The following SLC29A2 variants were observed in gnomAD, a reference collection of about 807,000 sequenced individuals.
SLC29A2 encodes equilibrative nucleoside transporter 2.
Under a neutral mutation model 48.8 loss-of-function variants are expected in SLC29A2, and 37 were observed. The ratio of observed to expected loss-of-function variants is 0.76; its 90% confidence interval spans 0.58 to 1.00. The LOEUF is 1.00. Among genes scored for constraint, SLC29A2 ranks in the 50% least tolerant of loss-of-function variants. The probability of loss-of-function intolerance (pLI) is 0.00; values close to 1 mark genes in which losing one functional copy is unlikely to be tolerated. For missense variants in SLC29A2, 533 were observed against 578.6 expected, an observed-to-expected ratio of 0.92 and a Z score of 0.81; for synonymous variants, 233 against 261.7, an observed-to-expected ratio of 0.89 and a Z score of 1.06.
Position 66,366,472 on chromosome 11 carries a change from G to A in SLC29A2, c.826C>T (p.Gln276Ter), listed in dbSNP as rs765545997. 8.7e-6 allele frequency: 14 copies of A among 1,614,064 alleles called. No individual in the cohort carries two copies. The highest frequency in any genetic ancestry group is 1.3e-5 in the African/African-American group (1 of 74,930). ...KEPESEPDEP[Q>*]KPGKPSVFTV... Reference sequence around the variant, plus strand: ...AAGACTGAAGGTTTTCCTGGCTTCTGGGGCTCATCTGGCTCTGATTCCGGC... The same window carrying A: ...AAGACTGAAGGTTTTCCTGGCTTCTAGGGCTCATCTGGCTCTGATTCCGGC... Residue 276 changes from glutamine (Q) to a stop codon, truncating the protein, a stop_gained, in exon 8 of 12, where the codon CAG (glutamine) becomes TAG (stop). Coordinates refer to ENST00000357440, the MANE Select transcript of SLC29A2 (RefSeq NM_001532.3). LOFTEE classifies it high-confidence loss of function.
Position 66,363,513 on chromosome 11 carries a change from C to T in SLC29A2, c.1294G>A (p.Ala432Thr), listed in dbSNP as rs774663200. 2.5e-5 allele frequency: 40 copies of T among 1,613,878 alleles called. No individual in the cohort carries two copies. The highest frequency in any genetic ancestry group is 4.0e-5 in the African/African-American group (3 of 74,930). The change falls in exon 12 of 12, where the codon GCC (alanine) becomes ACC (threonine). Residue 432 changes from alanine (A) to threonine (T), a missense_variant. By Grantham distance (58) the Ala-to-Thr change is moderately conservative. Coordinates refer to ENST00000357440, the MANE Select transcript of SLC29A2 (RefSeq NM_001532.3). ...AGGGCCAGGAAGAAGGTCATGAGGG[C>T]GCCGGCCACCTCCCTCTCGTGTGGC... ...VLPHEREVAG[A>T]LMTFFLALGL...
intron 2 of SLC29A2, 39 bp downstream of exon 2, chr11:66,371,205 G>C (rs1395574779): frequency 6.3e-7 from 1 of 1,577,238 alleles, no homozygotes; most frequent in Non-Finnish European, 8.7e-7. Context: ...AGGGGTGCTG[G>C]CTGTGGCCAC....
At chr11:66,369,235 CAGGCCAG>C in intron 3 of SLC29A2, 36 bp from the exon 4 acceptor site, 2 of 1,580,902 alleles carry the variant, frequency 1.3e-6, no homozygotes, top group Non-Finnish European at 1.7e-6. Flanking sequence ...CAGTGGGGCC[CAGGCCAG>C]AGGGGGCTGG....
chr11:66,369,443 G>T lies in SLC29A2; in HGVS notation c.201C>A (p.Phe67Leu), dbSNP rs1038106635. 6.2e-7 allele frequency: 1 copy of T among 1,613,992 alleles called. No homozygotes were observed. The highest frequency in any genetic ancestry group is 8.5e-7 in the Non-Finnish European group (1 of 1,179,998). Residue 67 changes from phenylalanine to leucine, a missense_variant, in exon 3 of 12, where the codon TTC becomes TTA. Transcript: ENST00000357440. ...NHTGPEDAFN[F>L]NNWVTLLSQL... Reference sequence around the variant, plus strand: ...GGGACAGCAGCGTCACCCAATTGTTGAAGTTGAAGGCATCCTCGGGACCCG... The same window carrying T: ...GGGACAGCAGCGTCACCCAATTGTTTAAGTTGAAGGCATCCTCGGGACCCG...
At chr11:66,364,112 G>T in intron 11 of SLC29A2, 113 bp downstream of exon 11, 1 of 907,284 alleles carries the variant, frequency 1.1e-6, no homozygotes, top group Non-Finnish European at 1.7e-6. Context: ...GACAGCTAGG[G>T]TTGGGCTGGC....
chr11:66,371,266 T>C lies in SLC29A2; in HGVS notation c.89A>G (p.Asn30Ser). 3 of 1,613,780 alleles carry C rather than the reference T, an allele frequency of 1.9e-6. No individual in the cohort carries two copies. The highest frequency in any genetic ancestry group is 2.5e-6 in the Non-Finnish European group (3 of 1,179,996). ...ILGLGTLLPW[N>S]FFITAIPYFQ... ...CACCGGGATGGCGGTGATGAAGAAG[T>C]TCCAGGGAAGGAGGGTGCCCAGCCC... The change falls in exon 2 of 12, where the codon AAC becomes AGC. Residue 30 changes from asparagine (N) to serine (S), a missense_variant. Physicochemically the swap from Asn to Ser is conservative, Grantham distance 46. Transcript: ENST00000357440.
intron 2 of SLC29A2, among the ~76,000 whole-genome samples, chr11:66,370,224 A>G (rs553937327): frequency 6.6e-6 from 1 of 152,226 alleles, no homozygotes; most frequent in Non-Finnish European, 1.5e-5. Context: ...CCCAATTTAC[A>G]AATCTCCTCT....
At position 66,364,271 on chromosome 11, in the gene SLC29A2, C is replaced by T. The variant is rs1339086340; in HGVS notation, c.1213G>A (p.Val405Ile). ...YFITFMLLFA[V>I]SNGYLVSLTM... ...AGGGACACCAGGTAGCCATTAGAAA[C>T]GGCAAAGAGCAGCATGAAGGTGATG... is the stretch of plus-strand genomic sequence containing the variant. The change falls in exon 11 of 12, where the codon GTT becomes ATT. Residue 405 changes from valine to isoleucine, a missense_variant. Transcript: ENST00000357440. 27 of 1,574,056 alleles carry T rather than the reference C, an allele frequency of 1.7e-5. No homozygotes were observed. The highest frequency in any genetic ancestry group is 2.2e-5 in the South Asian group (2 of 90,616).
Position 66,362,950 on chromosome 11 carries a change from G to C in SLC29A2, c.*486C>G, listed in dbSNP as rs1855463961. The C allele has an allele frequency of 4.4e-6, 1 of 228,214 alleles. No homozygotes were observed. Among genetic ancestry groups the C allele is most frequent in the Non-Finnish European group, 8.9e-6 (1 of 112,772 alleles). The allele number at this position is 228,214 out of a possible 1,614,324, so 14.1% of individuals were successfully genotyped here. ...AAAACACTGCTTGAGGCTGAGCCTG[G>C]CCCTTTGAGCACCCTCAGGTCCTCC... On this transcript the variant is annotated 3_prime_UTR_variant, in exon 12 of 12. Coordinates refer to ENST00000357440, the MANE Select transcript of SLC29A2 (RefSeq NM_001532.3).
At position 66,369,445 on chromosome 11, in the gene SLC29A2, A is replaced by G. The variant is rs766161515; in HGVS notation, c.199T>C (p.Phe67Leu). 1 of 1,614,072 alleles carries G rather than the reference A, an allele frequency of 6.2e-7. No homozygotes were observed. The highest frequency in any genetic ancestry group is 8.5e-7 in the Non-Finnish European group (1 of 1,179,982). Residue 67 changes from phenylalanine (F) to leucine (L), a missense_variant, in exon 3 of 12, where the codon TTC becomes CTC. Phe to Leu is a conservative substitution (Grantham distance 22). Coordinates refer to ENST00000357440, the MANE Select transcript of SLC29A2 (RefSeq NM_001532.3). ...GACAGCAGCGTCACCCAATTGTTGA[A>G]GTTGAAGGCATCCTCGGGACCCGTG... is the stretch of plus-strand genomic sequence containing the variant. Reference protein sequence around the residue: ...NHTGPEDAFNFNNWVTLLSQL... With the variant: ...NHTGPEDAFNLNNWVTLLSQL...
rs1855479757 is a variant in SLC29A2, at chr11:66,363,329, TCCACCCCGCAGAGGCCTGAG to T, written c.*87_*106del. ...GCTGGCAGCCTCAGGCCCAGGGGCC[TCCACCCCGCAGAGGCCTGAG>T]CCAAGCTCGCCATTCGCCCTGGGCT... On this transcript the variant is annotated 3_prime_UTR_variant, in exon 12 of 12. Coordinates refer to ENST00000357440, the MANE Select transcript of SLC29A2 (RefSeq NM_001532.3). The T allele has an allele frequency of 1.1e-6, 1 of 875,072 alleles. No individual in the cohort carries two copies. The highest frequency in any genetic ancestry group is 1.7e-5 in the African/African-American group (1 of 60,262). 54.2% of individuals were successfully genotyped at this position (875,072 alleles called of 1,614,324 possible).
Position 66,363,420 on chromosome 11 carries a change from G to T in SLC29A2, c.*16C>A. 6.3e-7 allele frequency: 1 copy of T among 1,580,296 alleles called. No individual in the cohort carries two copies. The highest frequency in any genetic ancestry group is 8.7e-7 in the Non-Finnish European group (1 of 1,149,340). ...GACGTCGAGAAGAGGCTGCCAAAGA[G>T]CCTGGAGGGGCCACTTCAGAGCAGC... On this transcript the variant is annotated 3_prime_UTR_variant, in exon 12 of 12. Transcript: ENST00000357440.
At chr11:66,364,137 G>C in intron 11 of SLC29A2, 88 bp downstream of exon 11, 1 of 1,123,216 alleles carries the variant, frequency 8.9e-7, no homozygotes, top group Non-Finnish European at 1.3e-6. Context: ...AGCAGGATGG[G>C]CCGTCCCTCC....
intron 1 of SLC29A2, 106 bp from the exon 2 acceptor site, chr11:66,371,431 C>T (rs1031275861): frequency 5.3e-5 from 80 of 1,503,608 alleles, no homozygotes; most frequent in African/African-American, 2.6e-4. Flanking sequence ...CCGATCACCC[C>T]GGTTCCGGCG....
intron 10 of SLC29A2, chr11:66,364,725 TC>T (rs1297074149): frequency 3.6e-6 from 1 of 281,666 alleles, no homozygotes; most frequent in Non-Finnish European, 6.8e-6. Context: ...CAGGCTGGTC[TC>T]GAACTTCTGA....
intron 3 of SLC29A2, 83 bp from the exon 4 acceptor site, chr11:66,369,282 A>G (rs1448890434): frequency 1.4e-6 from 2 of 1,433,464 alleles, no homozygotes; most frequent in African/African-American, 2.9e-5. Context: ...GGGGCTGGGC[A>G]GTAGGGCTGG....
chr11:66,368,407 A>G (rs1196087799), intron 5 of SLC29A2, 130 bp downstream of exon 5: 1 of 1,248,002 alleles, frequency 8.0e-7, no homozygotes, highest in Non-Finnish European at 1.1e-6. Flanking sequence ...CCCAGACCCA[A>G]TCCCCATTTC....
At position 66,368,723 on chromosome 11, in the gene SLC29A2, C is replaced by T. The variant is rs1370222312; in HGVS notation, c.416-52G>A. On this transcript the variant is annotated intron_variant, in intron 4 of 11. Transcript: ENST00000357440. ...TGCTCAACTAGGCAAGACTCAGAGGCTCCCTGGAGGAGGTGCCGGCAGGAT... is the reference window on the plus strand; with the variant it reads ...TGCTCAACTAGGCAAGACTCAGAGGTTCCCTGGAGGAGGTGCCGGCAGGAT... 4.5e-6 allele frequency: 7 copies of T among 1,567,602 alleles called. 1 individual carries two copies. In the South Asian group the frequency reaches 5.9e-5, roughly 13 times the overall value.
At chr11:66,371,384 G>A in intron 1 of SLC29A2, 59 bp from the exon 2 acceptor site, 1 of 1,573,052 alleles carries the variant, frequency 6.4e-7, no homozygotes, top group Non-Finnish European at 8.7e-7. Context: ...AGGCCCTCCC[G>A]CCTCCCAGGC....
Sources: gnomAD v4.1 joint callset for allele counts (sites outside exome capture counted in the v4.1 genomes callset) on GRCh38, gnomAD v4.1.1 for gene constraint, MANE v1.5 for transcripts, NCBI Gene and HGNC (gene_info 2026-07-23, HGNC 2026-07-21) for gene names.